The following MACROD2 variants were observed in gnomAD, a reference collection of about 807,000 sequenced individuals.
MACROD2 encodes mono-ADP ribosylhydrolase 2, also known as ADP-ribose glycohydrolase MACROD2.
In MACROD2, 36 loss-of-function variants were observed where a neutral mutation model predicts 70.4. That is an observed-to-expected ratio of 0.51 (90% confidence interval 0.39 to 0.68). The LOEUF is 0.68. Among genes scored for constraint, MACROD2 ranks in the 30% least tolerant of loss-of-function variants. The probability of loss-of-function intolerance (pLI) is 0.00; values close to 1 mark genes in which losing one functional copy is unlikely to be tolerated. For synonymous variants in MACROD2, 172 were observed against 178.8 expected (o/e 0.96, Z 0.30); for missense variants, 496 against 538.4 (o/e 0.92, Z 0.78).
chr20:14,347,610 A>G (rs117218385), intron 3 of MACROD2, among the ~76,000 whole-genome samples: 2 of 152,118 alleles, frequency 1.3e-5, no homozygotes, highest in African/African-American at 4.8e-5. Flanking sequence ...GGGAAGAGAG[A>G]TGAGGCTTTC....
chr20:14,144,281 A>G (rs571468164), intron 3 of MACROD2, among the ~76,000 whole-genome samples: 216 of 152,332 alleles, frequency 1.4e-3, no homozygotes, highest in African/African-American at 4.8e-3. Context: ...ACACACTTCT[A>G]AATCTAAATT....
chr20:14,824,558 T>C (rs1394117538), intron 5 of MACROD2, among the ~76,000 whole-genome samples: 1 of 152,070 alleles, frequency 6.6e-6, no homozygotes, highest in Non-Finnish European at 1.5e-5. Context: ...GCTGGCTGTC[T>C]ACTGGGAGGT....
intron 6 of MACROD2, among the ~76,000 whole-genome samples, chr20:15,354,897 T>C (rs955525588): frequency 1.3e-5 from 2 of 152,242 alleles, no homozygotes; most frequent in African/African-American, 4.8e-5. Flanking sequence ...TAGTAATATG[T>C]ACTAGTACTA....
At chr20:15,050,956 TG>T (rs982555890) in intron 5 of MACROD2, among the ~76,000 whole-genome samples, 21 of 152,212 alleles carry the variant, frequency 1.4e-4, no homozygotes, top group African/African-American at 4.8e-4. Flanking sequence ...TGTAAAATTA[TG>T]GTTGAACAAA....
chr20:15,585,520 A>T (rs1053759858), intron 8 of MACROD2, among the ~76,000 whole-genome samples: 1 of 152,132 alleles, frequency 6.6e-6, no homozygotes, highest in Admixed American at 6.5e-5. Context: ...TACCAAGTGC[A>T]GAGAGCCTTG....
At chr20:14,317,859 A>G (rs1291041648) in intron 3 of MACROD2, among the ~76,000 whole-genome samples, 1 of 152,184 alleles carries the variant, frequency 6.6e-6, no homozygotes, top group African/African-American at 2.4e-5. Context: ...AATGAGATTA[A>G]AAGATCTAAA....
chr20:15,981,286 T>C (rs1248859102), intron 13 of MACROD2, among the ~76,000 whole-genome samples: 1 of 152,246 alleles, frequency 6.6e-6, no homozygotes, highest in African/African-American at 2.4e-5. Context: ...TCTTTCTGTG[T>C]AATTGGAACT....
intron 2 of MACROD2, among the ~76,000 whole-genome samples, chr20:14,048,155 T>C (rs930132814): frequency 4.6e-5 from 7 of 152,146 alleles, no homozygotes; most frequent in African/African-American, 1.2e-4. Flanking sequence ...AGATAATGAT[T>C]ATTGCCAAAG....
chr20:15,461,006 A>ATATATATATATATATATATATT, intron 7 of MACROD2, among the ~76,000 whole-genome samples: 71 of 66,974 alleles, frequency 1.1e-3, no homozygotes, highest in South Asian at 2.0e-3. Context: ...ATATATATAT[A>ATATATATATATATATATATATT]TTTTTTTTTA....
At chr20:14,013,713 T>C (rs2052947747) in intron 2 of MACROD2, among the ~76,000 whole-genome samples, 1 of 121,626 alleles carries the variant, frequency 8.2e-6, no homozygotes, top group Non-Finnish European at 1.6e-5. Context: ...GGAGTTTCGC[T>C]CTTGTTGCCC....
At chr20:15,008,538 G>C (rs557651706) in intron 5 of MACROD2, among the ~76,000 whole-genome samples, 3 of 152,278 alleles carry the variant, frequency 2.0e-5, no homozygotes, top group East Asian at 1.9e-4. Context: ...CATGGTGCAG[G>C]TTCTTGAGAA....
chr20:15,631,586 C>T (rs555186380), intron 8 of MACROD2, among the ~76,000 whole-genome samples: 216 of 152,220 alleles, frequency 1.4e-3, no homozygotes, highest in African/African-American at 5.0e-3. Flanking sequence ...ATGTTAAATT[C>T]CTCTTTCTTG....
chr20:14,096,546 T>C (rs1009227611), intron 3 of MACROD2, among the ~76,000 whole-genome samples: 1 of 151,986 alleles, frequency 6.6e-6, no homozygotes, highest in African/African-American at 2.4e-5. Context: ...TTTTTGTATT[T>C]TTAGTAGAAA....
chr20:14,050,087 C>CAA (rs759223916), intron 2 of MACROD2, among the ~76,000 whole-genome samples: 3 of 85,888 alleles, frequency 3.5e-5, no homozygotes, highest in Non-Finnish European at 4.9e-5. Context: ...ACTCCCATCT[C>CAA]AAAAAAAAAA....
In MACROD2 at chr20:14,326,806, C is replaced by T. The variant is rs751955471; in HGVS notation, c.272-166673C>T. 1.3e-5 allele frequency: 21 copies of T among 1,613,616 alleles called. No homozygotes were observed. The highest frequency in any genetic ancestry group is 1.7e-5 in the Admixed American group (1 of 59,928). ...TACTGGTGCAGCAGTCAGGGAATTC[C>T]GCACCAGGGACAGCTCTGTCAAATT... is the stretch of plus-strand genomic sequence containing the variant. On this transcript the variant is annotated intron_variant, in intron 3 of 17. Coordinates refer to ENST00000684519, the MANE Select transcript of MACROD2 (RefSeq NM_001351661.2). This position sits in a 1 kb window ranked among gnomAD's most constrained non-coding sequence, Gnocchi z 5.5.
intron 3 of MACROD2, among the ~76,000 whole-genome samples, chr20:14,320,495 C>A (rs1359389545): frequency 6.6e-6 from 1 of 152,056 alleles, no homozygotes; most frequent in African/African-American, 2.4e-5. Flanking sequence ...CAAAGAATAT[C>A]AATGCAGACT....
intron 5 of MACROD2, among the ~76,000 whole-genome samples, chr20:14,948,852 C>G (rs1353474329): frequency 3.9e-5 from 6 of 152,282 alleles, no homozygotes; most frequent in Admixed American, 3.9e-4. Flanking sequence ...TCATCTGAAT[C>G]AAATTATAAT....
At chr20:14,579,290 C>T (rs6135186) in intron 4 of MACROD2, among the ~76,000 whole-genome samples, 80,515 of 150,900 alleles carry the variant, frequency 0.53, 22,915 homozygotes, top group East Asian at 0.65. Flanking sequence ...TACAGGCGCC[C>T]GCCACCGCGC....
chr20:14,247,795 CA>C (rs1233428931), intron 3 of MACROD2, among the ~76,000 whole-genome samples: 1 of 152,040 alleles, frequency 6.6e-6, no homozygotes, highest in African/African-American at 2.4e-5. Context: ...GTTTCTAAGA[CA>C]AAAAAATTCA....
Sources: allele counts gnomAD v4.1 joint callset (sites outside exome capture counted in the v4.1 genomes callset), GRCh38; gene constraint gnomAD v4.1.1; non-coding constraint Gnocchi (gnomAD v3.1); transcripts MANE v1.5; gene names NCBI Gene and HGNC (gene_info 2026-07-23, HGNC 2026-07-21).